CCL25: variants seen among roughly 807,000 people sequenced by gnomAD.
The protein encoded by CCL25 is C-C motif chemokine ligand 25.
CCL25 carries 14 observed loss-of-function variants against 19.9 expected under a neutral mutation model. The ratio of observed to expected loss-of-function variants is 0.70; its 90% CI spans 0.47 to 1.10. CCL25 has a LOEUF of 1.10. CCL25 is among the 50% of genes least tolerant of loss of function. CCL25 has a pLI of 0.00. For missense variants in CCL25, 151 were observed against 181.2 expected, an observed-to-expected ratio of 0.83 and a Z score of 0.96; for synonymous variants, 68 against 73.2, an observed-to-expected ratio of 0.93 and a Z score of 0.36.
At chr19:8,059,085 A>T (rs8100524) in intron 5 of CCL25, among the ~76,000 whole-genome samples, 7 of 19,008 alleles carry the variant, frequency 3.7e-4, no homozygotes, top group Admixed American at 1.7e-3. Flanking sequence ...AATATATATA[A>T]TATATATAAT....
At chr19:8,060,181 AC>A (rs200332897) in intron 5 of CCL25, among the ~76,000 whole-genome samples, 537 of 149,216 alleles carry the variant, frequency 3.6e-3, no homozygotes, top group Middle Eastern at 7.0e-3. Flanking sequence ...AAAAAAAAAA[AC>A]AAATTTAAAT....
chr19:8,055,887 G>T (rs1047886362), intron 2 of CCL25, among the ~76,000 whole-genome samples: 3 of 152,158 alleles, frequency 2.0e-5, no homozygotes, highest in African/African-American at 7.2e-5. Flanking sequence ...GAGTAGAGGT[G>T]GCCTTGGTCC....
intron 3 of CCL25, 33 bp downstream of exon 3, chr19:8,056,302 G>GGGGGGGGCCCCCCC: frequency 1.7e-6 from 1 of 593,392 alleles, no homozygotes; most frequent in Non-Finnish European, 3.2e-6. Context: ...GGGGGGTGGG[G>GGGGGGGGCCCCCCC]TGCACACACA....
Position 8,059,074 on chromosome 19 carries a change from T to TA in CCL25, c.445+1156dup, listed in dbSNP as rs1473047140. On this transcript the variant is annotated intron_variant, in intron 5 of 5. Transcript: ENST00000315626. ...GTAATATATAAATATATATAATATA[T>TA]AATATATATAATATATATAATGTAT... is the stretch of plus-strand genomic sequence containing the variant. 1.2e-4 allele frequency among the ~76,000 whole-genome samples: 4 copies of TA among 34,334 alleles called. No individual in the cohort carries two copies. In the South Asian group the frequency reaches 8.0e-3, roughly 68 times the overall value. The allele number at this position is 34,334 out of a possible 152,430, so 22.5% of individuals were successfully genotyped here. A position where few individuals can be genotyped will look rare whatever the true frequency, so the allele number is the denominator to read the frequency against.
At chr19:8,053,941 C>T (rs1239708420) in intron 2 of CCL25, among the ~76,000 whole-genome samples, 1 of 152,160 alleles carries the variant, frequency 6.6e-6, no homozygotes, top group Non-Finnish European at 1.5e-5. Context: ...CCAGTGAGCT[C>T]ATGCCTGCAA....
chr19:8,060,154 C>T (rs1337180329), intron 5 of CCL25, among the ~76,000 whole-genome samples: 1 of 149,374 alleles, frequency 6.7e-6, no homozygotes, highest in South Asian at 2.1e-4. Context: ...GGAAACATAG[C>T]GGGACCCTGT....
chr19:8,060,673 A>G (rs1599234699), intron 5 of CCL25, among the ~76,000 whole-genome samples: 1 of 149,902 alleles, frequency 6.7e-6, no homozygotes, highest in Non-Finnish European at 1.5e-5. Flanking sequence ...CAGTACCCTC[A>G]GCTTACCAGG....
rs2145285272 is a variant in CCL25 at position 8,056,065 on chromosome 19, G to C, written c.74-87G>C. 7 of 853,774 alleles carry C rather than the reference G, an allele frequency of 8.2e-6. No individual in the cohort carries two copies. The East Asian group carries it at 1.7e-4, about 21-fold the overall frequency. The allele number at this position is 853,774 out of a possible 1,614,324, so 52.9% of individuals were successfully genotyped here. A position where few individuals can be genotyped will look rare whatever the true frequency, so the allele number is the denominator to read the frequency against. On this transcript the variant is annotated intron_variant, in intron 2 of 5. Transcript: ENST00000315626. Reference sequence around the variant, plus strand: ...GAAGGGTTGTGGTATGAGCAGACAGGTATGCAGACAGGTGCCCTTGCCTGT... The same window carrying C: ...GAAGGGTTGTGGTATGAGCAGACAGCTATGCAGACAGGTGCCCTTGCCTGT...
At chr19:8,054,526 AG>A in intron 2 of CCL25, among the ~76,000 whole-genome samples, 1 of 152,228 alleles carries the variant, frequency 6.6e-6, no homozygotes, top group East Asian at 1.9e-4. Flanking sequence ...TAGTTCTGGC[AG>A]AGGTGAGATT....
chr19:8,056,057 G>A, intron 2 of CCL25, 95 bp from the exon 3 acceptor site: 1 of 811,152 alleles, frequency 1.2e-6, no homozygotes, highest in Non-Finnish European at 2.0e-6. Flanking sequence ...TGTGGTATGA[G>A]CAGACAGGTA....
At position 8,062,579 on chromosome 19, in the gene CCL25, A is replaced by C. The variant is rs1053431122; in HGVS notation, c.*354A>C. ...TCTGGGTCCCTCCAAAACTCTGGTCAGTTCAAGGATGCCCCTCCCAGGCTA... is the reference window on the plus strand; with the variant it reads ...TCTGGGTCCCTCCAAAACTCTGGTCCGTTCAAGGATGCCCCTCCCAGGCTA... On this transcript the variant is annotated 3_prime_UTR_variant, in exon 6 of 6. Transcript: ENST00000315626. 1 of 272,942 alleles carries C rather than the reference A, an allele frequency of 3.7e-6. No individual in the cohort carries two copies. The allele number at this position is 272,942 out of a possible 1,614,324, so 16.9% of individuals were successfully genotyped here. A position where few individuals can be genotyped will look rare whatever the true frequency, so the allele number is the denominator to read the frequency against.
chr19:8,055,276 G>A (rs1306509760), intron 2 of CCL25, among the ~76,000 whole-genome samples: 7 of 81,462 alleles, frequency 8.6e-5, no homozygotes, highest in African/African-American at 3.1e-4. Flanking sequence ...GTGACAGAGT[G>A]AGACTCTGGA....
chr19:8,060,050 C>T (rs1350644206), intron 5 of CCL25, among the ~76,000 whole-genome samples: 1 of 151,782 alleles, frequency 6.6e-6, no homozygotes, highest in Non-Finnish European at 1.5e-5. Context: ...GATCAAGCCA[C>T]TGCACTCCAG....
intron 2 of CCL25, among the ~76,000 whole-genome samples, chr19:8,055,391 A>G (rs1599228727): frequency 6.8e-6 from 1 of 147,544 alleles, no homozygotes; most frequent in Non-Finnish European, 1.5e-5. Flanking sequence ...GCTGGAGTGC[A>G]GTGGCGCGAT....
At chr19:8,056,302 G>GGGGGGGGGGGGGGGGCCCCCC in intron 3 of CCL25, 33 bp downstream of exon 3, 2 of 593,348 alleles carry the variant, frequency 3.4e-6, no homozygotes, top group Non-Finnish European at 6.4e-6. Flanking sequence ...GGGGGGTGGG[G>GGGGGGGGGGGGGGGGCCCCCC]TGCACACACA....
At chr19:8,056,304 G>A (rs2081271853) in intron 3 of CCL25, 35 bp downstream of exon 3, 1 of 1,600,142 alleles carries the variant, frequency 6.2e-7, no homozygotes. Flanking sequence ...GGGGTGGGGT[G>A]CACACACAGC....
upstream of CCL25, among the ~76,000 whole-genome samples, chr19:8,052,549 C>A (rs2081239490): frequency 6.6e-6 from 1 of 151,608 alleles, no homozygotes; most frequent in Admixed American, 6.6e-5. Context: ...AAGGCCCTTT[C>A]TGGAGACAGT....
intron 1 of CCL25, 79 bp from the exon 2 acceptor site, chr19:8,052,921 G>T: frequency 1.7e-6 from 1 of 571,806 alleles, no homozygotes; most frequent in South Asian, 2.4e-5. Context: ...CATATGCCTG[G>T]GGCTTAAGAG....
rs779951105 is a variant in CCL25 at position 8,053,127 on chromosome 19, T to C, written c.73+5T>C. The C allele has an allele frequency of 6.5e-7, 1 of 1,547,634 alleles. No homozygotes were observed. Reference sequence around the variant, plus strand: ...CCCCCGCTGTCCACACCCAAGGTACTGTGTTCGGCAATGCCTACCACCAAG... The same window carrying C: ...CCCCCGCTGTCCACACCCAAGGTACCGTGTTCGGCAATGCCTACCACCAAG... On this transcript the variant is annotated splice_donor_5th_base_variant and intron_variant, in intron 2 of 5. Coordinates refer to ENST00000315626, the MANE Select transcript of CCL25 (RefSeq NM_005624.4).
Sources: gnomAD v4.1 joint callset for allele counts (sites outside exome capture counted in the v4.1 genomes callset) on GRCh38, gnomAD v4.1.1 for gene constraint, MANE v1.5 for transcripts, NCBI Gene and HGNC (gene_info 2026-07-23, HGNC 2026-07-21) for gene names.